The following FAM120B variants were observed in gnomAD, a reference collection of about 807,000 sequenced individuals.
The protein encoded by FAM120B is constitutive coactivator of peroxisome proliferator-activated receptor gamma.
Under a neutral mutation model 96.3 loss-of-function variants are expected in FAM120B, and 83 were observed. That is an observed-to-expected ratio of 0.86 (90% CI 0.72 to 1.03). The LOEUF (loss-of-function observed/expected upper bound fraction) is 1.03, where lower values mean the gene tolerates loss of function less well. Among genes scored for constraint, FAM120B ranks in the 50% least tolerant of loss-of-function variants. The probability of loss-of-function intolerance (pLI) is 0.00; values close to 1 mark genes in which losing one functional copy is unlikely to be tolerated. For synonymous variants in FAM120B, 407 were observed against 402.7 expected (o/e 1.01, Z -0.13); for missense variants, 1,027 against 1,121.2 (o/e 0.92, Z 1.20).
intron 3 of FAM120B, among the ~76,000 whole-genome samples, chr6:170,326,861 C>G (rs1785620796): frequency 6.6e-6 from 1 of 152,108 alleles, no homozygotes; most frequent in Admixed American, 6.5e-5. Flanking sequence ...ACCTCAGCCT[C>G]TTGAGTAACT....
intron 9 of FAM120B, among the ~76,000 whole-genome samples, chr6:170,400,303 G>T (rs1244963749): frequency 1.3e-5 from 2 of 152,226 alleles, no homozygotes; most frequent in Non-Finnish European, 1.5e-5. Context: ...GAGTGGGGAA[G>T]GTAGAACTAT....
At chr6:170,335,978 T>C (rs947126057) in intron 4 of FAM120B, among the ~76,000 whole-genome samples, 1 of 152,220 alleles carries the variant, frequency 6.6e-6, no homozygotes, top group Middle Eastern at 3.2e-3. Context: ...TTGCAAAAAT[T>C]TTCCCCCATT....
At chr6:170,308,522 A>G (rs9348264) in intron 1 of FAM120B, among the ~76,000 whole-genome samples, 15,715 of 152,168 alleles carry the variant, frequency 0.1, 1,033 homozygotes, top group East Asian at 0.2. Context: ...CTGGAACCTG[A>G]ATCTGGATAC....
At chr6:170,294,197 C>T (rs1410819382), upstream of FAM120B, among the ~76,000 whole-genome samples, 2 of 152,126 alleles carry the variant, frequency 1.3e-5, no homozygotes, top group African/African-American at 4.8e-5. The surrounding 1 kb of genome is among the most constrained non-coding windows in gnomAD (Gnocchi z 7.9). Context: ...TGCCGGAGTC[C>T]CTCCTCCCCA....
chr6:170,291,463 C>G (rs933841379), upstream of FAM120B, among the ~76,000 whole-genome samples: 2 of 152,082 alleles, frequency 1.3e-5, no homozygotes, highest in Admixed American at 6.5e-5. Flanking sequence ...GTTCGAGGCC[C>G]GAGCTCTTGG....
At chr6:170,343,112 C>T (rs1026339618) in intron 4 of FAM120B, among the ~76,000 whole-genome samples, 1 of 152,164 alleles carries the variant, frequency 6.6e-6, no homozygotes, top group African/African-American at 2.4e-5. Flanking sequence ...AGAGAGTGTA[C>T]CACTAGAAGA....
intron 1 of FAM120B, among the ~76,000 whole-genome samples, chr6:170,316,011 A>G (rs1423789855): frequency 1.4e-5 from 2 of 138,344 alleles, no homozygotes; most frequent in East Asian, 4.1e-4. Flanking sequence ...GTGAACTGTG[A>G]TCACCCCTCT....
intron 6 of FAM120B, among the ~76,000 whole-genome samples, chr6:170,358,669 G>A (rs1218660079): frequency 6.6e-6 from 1 of 152,224 alleles, no homozygotes; most frequent in Non-Finnish European, 1.5e-5. Flanking sequence ...CCAGATGGCT[G>A]CTGGCTGAAG....
At chr6:170,342,417 A>C (rs1252928424) in intron 4 of FAM120B, among the ~76,000 whole-genome samples, 2 of 152,366 alleles carry the variant, frequency 1.3e-5, no homozygotes, top group South Asian at 2.1e-4. Flanking sequence ...AATAACTCAA[A>C]AACCTACCTA....
upstream of FAM120B, among the ~76,000 whole-genome samples, chr6:170,294,661 T>G (rs1783957761): frequency 6.6e-6 from 1 of 152,092 alleles, no homozygotes; most frequent in Non-Finnish European, 1.5e-5. This position sits in a 1 kb window ranked among gnomAD's most constrained non-coding sequence, Gnocchi z 7.9. Context: ...AACCCCCCTT[T>G]CCAAAGAAAG....
intron 6 of FAM120B, among the ~76,000 whole-genome samples, chr6:170,385,251 A>C (rs1353479736): frequency 6.6e-6 from 1 of 152,234 alleles, no homozygotes; most frequent in Admixed American, 6.5e-5. Context: ...AGCAGAAACC[A>C]CAGTGGGCAT....
chr6:170,316,565 A>G (rs1172222044), intron 1 of FAM120B, among the ~76,000 whole-genome samples: 1 of 152,216 alleles, frequency 6.6e-6, no homozygotes, highest in East Asian at 1.9e-4. Context: ...ACTGTAAACT[A>G]CTTTGTATCT....
At chr6:170,374,880 G>T (rs1393607622) in intron 6 of FAM120B, among the ~76,000 whole-genome samples, 1 of 152,240 alleles carries the variant, frequency 6.6e-6, no homozygotes, top group Non-Finnish European at 1.5e-5. Flanking sequence ...GTAGATGATA[G>T]TTTGGTGCCA....
At chr6:170,368,653 A>G (rs1252609739) in intron 6 of FAM120B, among the ~76,000 whole-genome samples, 2 of 152,250 alleles carry the variant, frequency 1.3e-5, no homozygotes, top group Non-Finnish European at 2.9e-5. Context: ...TGGGCACTCA[A>G]TAAAAATTTG....
chr6:170,333,305 G>A (rs1786188940), intron 4 of FAM120B, among the ~76,000 whole-genome samples: 1 of 152,188 alleles, frequency 6.6e-6, no homozygotes, highest in African/African-American at 2.4e-5. Flanking sequence ...GTGTGAAGGT[G>A]CCAATGTGCC....
chr6:170,333,480 G>A (rs927679171), intron 4 of FAM120B, among the ~76,000 whole-genome samples: 2 of 151,780 alleles, frequency 1.3e-5, no homozygotes, highest in African/African-American at 4.8e-5. Flanking sequence ...TTTATTCAGG[G>A]AGCTTATTTA....
intron 9 of FAM120B, among the ~76,000 whole-genome samples, chr6:170,401,576 C>T (rs909337245): frequency 6.6e-6 from 1 of 152,122 alleles, no homozygotes; most frequent in Non-Finnish European, 1.5e-5. Context: ...CAGGCACCGC[C>T]AGTATCTCCA....
chr6:170,400,315 T>C (rs1414795371), intron 9 of FAM120B, among the ~76,000 whole-genome samples: 4 of 152,168 alleles, frequency 2.6e-5, no homozygotes, highest in African/African-American at 9.7e-5. Context: ...TAGAACTATG[T>C]CATTTACAGA....
Position 170,317,582 on chromosome 6 carries a change from G to A in FAM120B, c.192G>A (p.Trp64Ter). The change falls in exon 2 of 11, where the codon TGG (tryptophan) becomes TGA (stop). Residue 64 changes from tryptophan to a stop codon, truncating the protein, a stop_gained. Transcript: ENST00000476287. LOFTEE classifies it high-confidence loss of function. ...AATCTTGGATCTGCGGTGGCCAGTG[G>A]CGAGAATACTTTTCTGCTTTGCGAG... Reference protein sequence around the residue: ...TPESWICGGQWREYFSALRDF... With the variant: ...TPESWICGGQ 6.2e-7 allele frequency: 1 copy of A among 1,614,206 alleles called. No individual in the cohort carries two copies. Among genetic ancestry groups the A allele is most frequent in the Non-Finnish European group, 8.5e-7 (1 of 1,180,032 alleles).
Sources: gnomAD v4.1 joint callset for allele counts (sites outside exome capture counted in the v4.1 genomes callset) on GRCh38, gnomAD v4.1.1 for gene constraint, Gnocchi (gnomAD v3.1) non-coding constraint, MANE v1.5 for transcripts, NCBI Gene and HGNC (gene_info 2026-07-23, HGNC 2026-07-21) for gene names.